AKAP7: variants seen among roughly 807,000 people sequenced by gnomAD.
AKAP7 encodes the protein A-kinase anchoring protein 7.
In AKAP7, 39 loss-of-function variants were observed where a neutral mutation model predicts 39.5. The observed-to-expected ratio is 0.99, with a 90% CI of 0.76 to 1.29. The LOEUF (loss-of-function observed/expected upper bound fraction) is 1.29, where lower values mean the gene tolerates loss of function less well. AKAP7 is among the 50% of genes most tolerant of loss of function. The pLI is 0.00. For missense variants in AKAP7, 414 were observed against 407.7 expected (o/e 1.02, Z -0.13); for synonymous variants, 140 against 139.1 (o/e 1.01, Z -0.05).
At chr6:131,204,130 TA>T (rs976484342) in intron 6 of AKAP7, among the ~76,000 whole-genome samples, 4 of 152,164 alleles carry the variant, frequency 2.6e-5, no homozygotes, top group African/African-American at 4.8e-5. Context: ...CAACTGACAT[TA>T]AAAAAATGTT....
At chr6:131,137,971 T>C (rs1450278449) in intron 1 of AKAP7, among the ~76,000 whole-genome samples, 2 of 152,216 alleles carry the variant, frequency 1.3e-5, no homozygotes, top group Non-Finnish European at 2.9e-5. Context: ...CATTTGTTGT[T>C]AGCTTTTTTC....
At chr6:131,177,850 ACCTCTTCTTG>A (rs559641172) in intron 5 of AKAP7, among the ~76,000 whole-genome samples, 80 of 152,246 alleles carry the variant, frequency 5.3e-4, no homozygotes, top group African/African-American at 1.9e-3. Flanking sequence ...TTCCAGGAAC[ACCTCTTCTTG>A]CCTTAGCTGA....
Position 131,199,498 on chromosome 6 carries a change from G to T in AKAP7, c.627G>T (p.Leu209=). 1 of 1,610,514 alleles carries T rather than the reference G, an allele frequency of 6.2e-7. No homozygotes were observed. Among genetic ancestry groups the T allele is most frequent in the African/African-American group, 1.3e-5 (1 of 74,894 alleles). The change falls in exon 6 of 8, where the codon CTG becomes CTT. Residue 209 remains leucine (L), a synonymous_variant. Coordinates refer to ENST00000431975, the MANE Select transcript of AKAP7 (RefSeq NM_016377.4). ...ANRTFQEKGI[L]VGESRSFKPH... ...GGACATTTCAAGAAAAAGGCATCCT[G>T]GTAGGAGAGAGCAGAAGTTTTAAAC...
At chr6:131,228,171 T>C (rs1423666387) in intron 7 of AKAP7, among the ~76,000 whole-genome samples, 1 of 152,136 alleles carries the variant, frequency 6.6e-6, no homozygotes, top group Non-Finnish European at 1.5e-5. Flanking sequence ...ATAGTAACCA[T>C]TGTTTGATGC....
At chr6:131,272,910 T>A (rs1814412646) in intron 7 of AKAP7, among the ~76,000 whole-genome samples, 1 of 152,202 alleles carries the variant, frequency 6.6e-6, no homozygotes, top group Admixed American at 6.5e-5. Context: ...AGAATTTCTA[T>A]TTTATCAGCT....
chr6:131,205,031 C>T (rs1466306826), intron 6 of AKAP7, among the ~76,000 whole-genome samples: 1 of 151,754 alleles, frequency 6.6e-6, no homozygotes, highest in African/African-American at 2.4e-5. Flanking sequence ...TCAGGGTAGA[C>T]ATGATGATTG....
chr6:131,163,663 A>G (rs1803202451), intron 3 of AKAP7, among the ~76,000 whole-genome samples: 1 of 152,226 alleles, frequency 6.6e-6, no homozygotes, highest in Admixed American at 6.5e-5. Context: ...ATTTTAAGCA[A>G]TAGAATTGGA....
At chr6:131,273,727 G>A (rs1814498812) in intron 7 of AKAP7, among the ~76,000 whole-genome samples, 1 of 152,094 alleles carries the variant, frequency 6.6e-6, no homozygotes, top group South Asian at 2.1e-4. Flanking sequence ...ACTTACGTAT[G>A]TACAGTTTTT....
intron 5 of AKAP7, chr6:131,185,005 A>C: frequency 1.3e-6 from 1 of 759,096 alleles, no homozygotes; most frequent in South Asian, 1.4e-5. Context: ...TCATCCAGGA[A>C]GTCATCTGGT....
In AKAP7 at chr6:131,135,778, A is replaced by C; in HGVS notation, c.15A>C (p.Glu5Asp). ...GCGCCGCGACCATGGAGCGCCCCGA[A>C]GCGGGTGAGACCGGGCTGTCCAGCG... MERP[E>D]AGGINSNECE... is the part of the protein sequence containing the mutation. Residue 5 changes from glutamate (E) to aspartate (D), a missense_variant, in exon 1 of 8, where the codon GAA becomes GAC. By Grantham distance (45) the Glu-to-Asp change is conservative. Transcript: ENST00000431975. 1 of 1,230,600 alleles carries C rather than the reference A, an allele frequency of 8.1e-7. No homozygotes were observed. The highest frequency in any genetic ancestry group is 1.0e-6 in the Non-Finnish European group (1 of 988,172). The allele number at this position is 1,230,600 out of a possible 1,614,324, so 76.2% of individuals were successfully genotyped here.
chr6:131,180,059 G>A (rs1035886072), intron 5 of AKAP7, among the ~76,000 whole-genome samples: 1 of 152,138 alleles, frequency 6.6e-6, no homozygotes, highest in Non-Finnish European at 1.5e-5. Context: ...CCTCATGTCT[G>A]CTGTTGCTGC....
chr6:131,189,578 A>T lies in AKAP7; in HGVS notation c.590-9883A>T, dbSNP rs539682819. ...AGACAACTTTTAACAACTTCTTTGCATTTTAAGATTATTATGTAAATTTAT... is the reference window on the plus strand; with the variant it reads ...AGACAACTTTTAACAACTTCTTTGCTTTTTAAGATTATTATGTAAATTTAT... On this transcript the variant is annotated intron_variant, in intron 5 of 7. Transcript: ENST00000431975. Among the ~76,000 whole-genome samples the T allele has an allele frequency of 2.8e-3, 422 of 152,270 alleles. 3 individuals are homozygous for T. Among genetic ancestry groups the T allele is most frequent in the African/African-American group, 9.8e-3 (407 of 41,568 alleles).
chr6:131,177,447 C>T (rs1804691131), intron 5 of AKAP7, among the ~76,000 whole-genome samples: 1 of 152,056 alleles, frequency 6.6e-6, no homozygotes, highest in Non-Finnish European at 1.5e-5. Flanking sequence ...ATCTAGGAAG[C>T]CTAATTCACT....
At chr6:131,253,058 C>T in intron 7 of AKAP7, 2 of 1,613,634 alleles carry the variant, frequency 1.2e-6, no homozygotes, top group Non-Finnish European at 1.7e-6. Flanking sequence ...AGCTCGTCCT[C>T]TGCAGTCCTA....
chr6:131,174,108 T>G (rs895502300), intron 5 of AKAP7, among the ~76,000 whole-genome samples: 3 of 152,250 alleles, frequency 2.0e-5, no homozygotes, highest in African/African-American at 7.2e-5. Flanking sequence ...AACAAAACAT[T>G]ATAAAAAATA....
intron 7 of AKAP7, among the ~76,000 whole-genome samples, chr6:131,235,414 G>T (rs1473914546): frequency 6.6e-6 from 1 of 152,118 alleles, no homozygotes; most frequent in Non-Finnish European, 1.5e-5. Flanking sequence ...AATCCTTTGG[G>T]TATATACCCA....
At chr6:131,191,097 A>G (rs1040818877) in intron 5 of AKAP7, among the ~76,000 whole-genome samples, 9 of 152,208 alleles carry the variant, frequency 5.9e-5, no homozygotes, top group African/African-American at 1.9e-4. Flanking sequence ...AAGCTCCTAT[A>G]TGGGACAATT....
At chr6:131,181,343 G>C (rs1177230236) in intron 5 of AKAP7, among the ~76,000 whole-genome samples, 1 of 152,132 alleles carries the variant, frequency 6.6e-6, no homozygotes, top group African/African-American at 2.4e-5. Context: ...AGTCATTTTA[G>C]ATATTCATAG....
At position 131,145,336 on chromosome 6, in the gene AKAP7, C is replaced by A; in HGVS notation, c.71C>A (p.Ser24Ter). ...AATGTATCAAGAAAAAAGAAAATGT[C>A]AGAGGAATTTGAAGCCAATACTATG... ...CENVSRKKKM[S>*]EEFEANTMDS... Residue 24 changes from serine to a stop codon, truncating the protein, a stop_gained, in exon 2 of 8, where the codon TCA becomes TAA. Transcript: ENST00000431975. LOFTEE classifies it high-confidence loss of function. The A allele has an allele frequency of 1.3e-6, 2 of 1,566,214 alleles. No individual in the cohort carries two copies. Among genetic ancestry groups the A allele is most frequent in the Non-Finnish European group, 1.7e-6 (2 of 1,152,136 alleles).
Sources: allele counts gnomAD v4.1 joint callset (sites outside exome capture counted in the v4.1 genomes callset), GRCh38; gene constraint gnomAD v4.1.1; transcripts MANE v1.5; gene names NCBI Gene and HGNC (gene_info 2026-07-23, HGNC 2026-07-21).